AK4: variants seen among roughly 807,000 people sequenced by gnomAD.
The protein encoded by AK4 is adenylate kinase 4.
A neutral mutation model predicts 24.6 loss-of-function variants in AK4; 13 were observed. That is an observed-to-expected ratio of 0.53 (90% CI 0.34 to 0.84). The LOEUF is 0.84. Among genes scored for constraint, AK4 ranks in the 40% least tolerant of loss-of-function variants. The pLI is 0.01. For missense variants in AK4, 192 were observed against 288.2 expected (o/e 0.67, Z 2.42); for synonymous variants, 88 against 107.0 (o/e 0.82, Z 1.10).
chr1:65,197,928 A>AT (rs1168749671), intron 2 of AK4, among the ~76,000 whole-genome samples: 3 of 152,012 alleles, frequency 2.0e-5, no homozygotes, highest in East Asian at 3.9e-4. Context: ...GCCAAGGGTA[A>AT]TTTTTTTTCT....
chr1:65,151,481 A>C (rs568769221), intron 1 of AK4, among the ~76,000 whole-genome samples: 1 of 152,110 alleles, frequency 6.6e-6, no homozygotes, highest in Admixed American at 6.6e-5. Context: ...GCTGGTCTCA[A>C]ACTCTTGGCT....
chr1:65,155,149 C>T (rs747680006), intron 1 of AK4, among the ~76,000 whole-genome samples: 18 of 152,024 alleles, frequency 1.2e-4, no homozygotes, highest in Non-Finnish European at 2.5e-4. Context: ...CACACCCGGC[C>T]GACATAGGGA....
chr1:65,162,357 A>G (rs1185180036), intron 1 of AK4, among the ~76,000 whole-genome samples: 1 of 152,098 alleles, frequency 6.6e-6, no homozygotes, highest in Admixed American at 6.6e-5. Context: ...GAGCACTGTA[A>G]GTGGGGAGGA....
rs1652599578 is a variant in AK4, at chr1:65,230,237, A to G, written c.*4060A>G. The G allele has an allele frequency of 6.6e-6, 1 of 152,208 alleles. No individual in the cohort carries two copies. The highest frequency in any genetic ancestry group is 2.1e-4 in the South Asian group (1 of 4,830). The allele number at this position is 152,208 out of a possible 1,614,324, so 9.4% of individuals were successfully genotyped here. A position where few individuals can be genotyped will look rare whatever the true frequency, so the allele number is the denominator to read the frequency against. On this transcript the variant is annotated 3_prime_UTR_variant, in exon 5 of 5. Transcript: ENST00000327299. ...TTGGTAGGGAAGGAGAAAGGTAAGA[A>G]TAGCCATCAGTGAGGAAGGATTCTT...
rs1287240423 is a variant in AK4 at position 65,230,979 on chromosome 1, T to C, written c.*4802T>C. On this transcript the variant is annotated 3_prime_UTR_variant, in exon 5 of 5. Transcript: ENST00000327299. ...TCATAAGGTGAGGTCCTGTTCATAGTATGACTTGCTTTCTCAATATCTCCT... is the reference window on the plus strand; with the variant it reads ...TCATAAGGTGAGGTCCTGTTCATAGCATGACTTGCTTTCTCAATATCTCCT... The C allele has an allele frequency of 1.3e-5, 2 of 152,250 alleles. No individual in the cohort carries two copies. The highest frequency in any genetic ancestry group is 2.4e-5 in the African/African-American group (1 of 41,476). 9.4% of individuals were successfully genotyped at this position (152,250 alleles called of 1,614,324 possible).
At chr1:65,149,289 G>T (rs1043990132) in intron 1 of AK4, 1 of 152,458 alleles carries the variant, frequency 6.6e-6, no homozygotes, top group Non-Finnish European at 1.5e-5. Context: ...GGCATGAGAT[G>T]CCTCCTTTGG....
intron 1 of AK4, among the ~76,000 whole-genome samples, chr1:65,184,797 G>T (rs1393392466): frequency 6.6e-6 from 1 of 152,180 alleles, no homozygotes; most frequent in Non-Finnish European, 1.5e-5. Context: ...TCTTCATTCA[G>T]ATGCGGATAT....
intron 2 of AK4, among the ~76,000 whole-genome samples, chr1:65,205,094 C>T (rs72928150): frequency 0.019 from 2,867 of 152,228 alleles, 83 homozygotes; most frequent in African/African-American, 0.066. Flanking sequence ...CTCCTCTCCC[C>T]TCCCTGCAGA....
chr1:65,148,565 G>A lies in AK4; in HGVS notation c.145+13G>A, dbSNP rs1432569096. On this transcript the variant is annotated intron_variant, in intron 1 of 4. Coordinates refer to ENST00000327299, the MANE Select transcript of AK4 (RefSeq NM_013410.4). Reference sequence around the variant, plus strand: ...AAGGCCAGCACCGGTGAGGGGCTGCGGGGACGAGGGCCGGGGGCGAGCCGC... The same window carrying A: ...AAGGCCAGCACCGGTGAGGGGCTGCAGGGACGAGGGCCGGGGGCGAGCCGC... 2.5e-6 allele frequency: 4 copies of A among 1,592,976 alleles called. No individual in the cohort carries two copies. The highest frequency in any genetic ancestry group is 3.4e-6 in the Non-Finnish European group (4 of 1,169,554).
In AK4 at chr1:65,154,512, CT is replaced by C. The variant is rs1296502001; in HGVS notation, c.145+5961del. 1.1e-5 allele frequency: 6 copies of C among 526,408 alleles called. No individual in the cohort carries two copies. The East Asian group carries it at 2.6e-4, about 23-fold the overall frequency. 32.6% of individuals were successfully genotyped at this position (526,408 alleles called of 1,614,324 possible). A position where few individuals can be genotyped will look rare whatever the true frequency, so the allele number is the denominator to read the frequency against. On this transcript the variant is annotated intron_variant, in intron 1 of 4. Transcript: ENST00000327299. ...ACCAGCAGCTGTACTGGAGCCACTG[CT>C]GAAAATTCAGCCAGGGTTCTCGCTC...
intron 2 of AK4, among the ~76,000 whole-genome samples, chr1:65,207,440 C>A (rs571085736): frequency 6.6e-6 from 1 of 152,252 alleles, no homozygotes; most frequent in East Asian, 1.9e-4. Flanking sequence ...CAGGAAGCTG[C>A]CATGAGCAGG....
rs58971149 is a variant in AK4, at chr1:65,227,015, GAAA to G, written c.*850_*852del. On this transcript the variant is annotated 3_prime_UTR_variant, in exon 5 of 5. Coordinates refer to ENST00000327299, the MANE Select transcript of AK4 (RefSeq NM_013410.4). ...TGACACTGTTCCTTTCTTTTATTGT[GAAA>G]AAAAAAAAAAACCCTGAAAGTCTTG... 1.8e-5 allele frequency: 2 copies of G among 109,038 alleles called. No homozygotes were observed. Among genetic ancestry groups the G allele is most frequent in the East Asian group, 2.5e-4 (1 of 4,046 alleles). The allele number at this position is 109,038 out of a possible 1,614,324, so 6.8% of individuals were successfully genotyped here. A position where few individuals can be genotyped will look rare whatever the true frequency, so the allele number is the denominator to read the frequency against.
intron 2 of AK4, among the ~76,000 whole-genome samples, chr1:65,215,850 T>C (rs757996921): frequency 6.6e-6 from 1 of 152,232 alleles, no homozygotes; most frequent in African/African-American, 2.4e-5. Flanking sequence ...GAGGAACTAA[T>C]GTTATGTTAT....
intron 2 of AK4, among the ~76,000 whole-genome samples, chr1:65,206,305 G>A (rs1313328832): frequency 1.3e-5 from 2 of 152,190 alleles, no homozygotes; most frequent in African/African-American, 4.8e-5. Context: ...CTGTAGCTGA[G>A]CCTTTAGAAG....
At chr1:65,162,846 T>C (rs973975440) in intron 1 of AK4, among the ~76,000 whole-genome samples, 2 of 152,228 alleles carry the variant, frequency 1.3e-5, no homozygotes, top group African/African-American at 2.4e-5. Flanking sequence ...GTTACTACTC[T>C]AGTTCTGTTT....
intron 1 of AK4, among the ~76,000 whole-genome samples, chr1:65,154,149 G>A (rs1370169517): frequency 6.6e-6 from 1 of 152,192 alleles, no homozygotes; most frequent in East Asian, 1.9e-4. Context: ...GTATGGATGA[G>A]GAGAGTGGCC....
intron 2 of AK4, among the ~76,000 whole-genome samples, chr1:65,199,234 G>A (rs553064598): frequency 5.2e-4 from 79 of 152,156 alleles, no homozygotes; most frequent in African/African-American, 1.9e-3. Context: ...GCAGTTATTT[G>A]TTGAGTTTGG....
chr1:65,148,331 G>T lies in AK4; in HGVS notation c.-77G>T. The T allele has an allele frequency of 1.4e-6, 2 of 1,476,688 alleles. No individual in the cohort carries two copies. The highest frequency in any genetic ancestry group is 1.8e-6 in the Non-Finnish European group (2 of 1,113,320). 91.5% of individuals were successfully genotyped at this position (1,476,688 alleles called of 1,614,324 possible). A position where few individuals can be genotyped will look rare whatever the true frequency, so the allele number is the denominator to read the frequency against. On this transcript the variant is annotated 5_prime_UTR_variant, in exon 1 of 5. Coordinates refer to ENST00000327299, the MANE Select transcript of AK4 (RefSeq NM_013410.4). Reference sequence around the variant, plus strand: ...GAGGGTGCCAGAGGTAGGGGGCCGAGAAACAAAGTTCCCGGGGCTTCCTCC... The same window carrying T: ...GAGGGTGCCAGAGGTAGGGGGCCGATAAACAAAGTTCCCGGGGCTTCCTCC...
intron 1 of AK4, among the ~76,000 whole-genome samples, chr1:65,153,103 C>T (rs1649855113): frequency 6.6e-6 from 1 of 152,150 alleles, no homozygotes. Flanking sequence ...CCTCTCCAGT[C>T]CAAAGGTCCA....
Sources: allele counts gnomAD v4.1 joint callset (sites outside exome capture counted in the v4.1 genomes callset), GRCh38; gene constraint gnomAD v4.1.1; transcripts MANE v1.5; gene names NCBI Gene and HGNC (gene_info 2026-07-23, HGNC 2026-07-21).